Variants in CD99L2 observed in about 807,000 individuals in gnomAD.
CD99L2 encodes the protein CD99 molecule like 2.
In CD99L2, 24 loss-of-function variants were observed where a neutral mutation model predicts 27.3. The ratio of observed to expected loss-of-function variants is 0.88; its 90% CI spans 0.64 to 1.24. The LOEUF (loss-of-function observed/expected upper bound fraction) is 1.24. Ranked by LOEUF, CD99L2 falls within the 50% of genes most tolerant of loss-of-function variation. The pLI, the probability that CD99L2 is intolerant of heterozygous loss-of-function variation, is 0.00. For synonymous variants in CD99L2, 97 were observed against 87.9 expected (o/e 1.10, Z -0.58); for missense variants, 255 against 221.6 (o/e 1.15, Z -0.96).
chrX:150,798,184 G>GAA (rs1557419965), intron 4 of CD99L2, among the ~76,000 whole-genome samples: 1 of 4,806 alleles, frequency 2.1e-4, no homozygotes. Flanking sequence ...AGGAAGGAAG[G>GAA]GAGGGAGGGA....
At chrX:150,772,432 C>A (rs991656982) in intron 9 of CD99L2, among the ~76,000 whole-genome samples, 9 of 112,380 alleles carry the variant, frequency 8.0e-5, no homozygotes, top group Non-Finnish European at 1.7e-4. Flanking sequence ...AGCAGAGGCC[C>A]GGGATGGGGA....
chrX:150,770,032 G>T (rs2043412366), intron 10 of CD99L2, among the ~76,000 whole-genome samples: 1 of 112,990 alleles, frequency 8.9e-6, no homozygotes, highest in Admixed American at 9.3e-5. Context: ...GGTGCCTGGG[G>T]CTCTGGCTCG....
intron 7 of CD99L2, among the ~76,000 whole-genome samples, chrX:150,778,436 GT>G (rs1402106711): frequency 1.0e-5 from 1 of 100,057 alleles, no homozygotes; most frequent in African/African-American, 3.7e-5. Flanking sequence ...AGGTTCATGG[GT>G]TGTAAAAATG....
intron 1 of CD99L2, among the ~76,000 whole-genome samples, chrX:150,878,616 G>A (rs1163617655): frequency 9.1e-6 from 1 of 109,980 alleles, no homozygotes; most frequent in Non-Finnish European, 1.9e-5. Context: ...GTCAATGCAA[G>A]TGCAATCGGA....
chrX:150,886,698 G>A (rs1409813700), intron 1 of CD99L2, among the ~76,000 whole-genome samples: 1 of 112,245 alleles, frequency 8.9e-6, no homozygotes, highest in African/African-American at 3.2e-5. Context: ...GTTATTTTTG[G>A]TTGACAAGAC....
rs188821471 is a variant in CD99L2 at position 150,802,176 on chromosome X, C to A, written c.278-6690G>T. ...AAAAAATTTCTAGAATAAGTGAGTT[C>A]AGCAAGGTCTCAGGATACAAGTTCA... On this transcript the variant is annotated intron_variant, in intron 4 of 10. Coordinates refer to ENST00000370377, the MANE Select transcript of CD99L2 (RefSeq NM_031462.4). Among the ~76,000 whole-genome samples, 336 of 112,195 alleles carry A rather than the reference C, an allele frequency of 3.0e-3. 2 individuals are homozygous for A. Among genetic ancestry groups the A allele is most frequent in the African/African-American group, 0.01 (311 of 30,923 alleles).
Position 150,824,707 on chromosome X carries a change from G to GGAAGAGGAAGAGGAAGAAGAA in CD99L2, c.130+6523_130+6524insTTCTTCTTCCTCTTCCTCTTC, listed in dbSNP as rs782774913. ...AAGAAGAGGAAGAGGAAGAGGAAGA[G>GGAAGAGGAAGAGGAAGAAGAA]GAAGAAGAAGAAGAAGAAGAAGAAA... On this transcript the variant is annotated intron_variant, in intron 2 of 10. Coordinates refer to ENST00000370377, the MANE Select transcript of CD99L2 (RefSeq NM_031462.4). Among the ~76,000 whole-genome samples the GGAAGAGGAAGAGGAAGAAGAA allele has an allele frequency of 3.2e-5, 3 of 93,619 alleles. No homozygotes were observed. The East Asian group carries it at 1.0e-3, about 31-fold the overall frequency. The allele number at this position is 93,619 out of a possible 115,157, so 81.3% of individuals were successfully genotyped here.
At chrX:150,775,010 G>A (rs1328071711) in intron 9 of CD99L2, among the ~76,000 whole-genome samples, 1 of 112,682 alleles carries the variant, frequency 8.9e-6, no homozygotes, top group Non-Finnish European at 1.9e-5. Context: ...ACATGTCAAC[G>A]TGCTCCTGCA....
rs1037827762 is a variant in CD99L2, at chrX:150,795,637, A to C, written c.278-151T>G. On this transcript the variant is annotated intron_variant, in intron 4 of 10. Coordinates refer to ENST00000370377, the MANE Select transcript of CD99L2 (RefSeq NM_031462.4). Reference sequence around the variant, plus strand: ...CTGCAGAATCACTTTGAGACGGATGACAAAGAGATATAAAAGGCTTAAATG... The same window carrying C: ...CTGCAGAATCACTTTGAGACGGATGCCAAAGAGATATAAAAGGCTTAAATG... The C allele has an allele frequency of 1.7e-5, 9 of 531,418 alleles. No homozygotes were observed. In the Middle Eastern group the frequency reaches 1.6e-3, roughly 92 times the overall value. 43.8% of individuals were successfully genotyped at this position (531,418 alleles called of 1,213,427 possible).
At chrX:150,841,482 T>G (rs1377374406) in intron 1 of CD99L2, among the ~76,000 whole-genome samples, 1 of 111,707 alleles carries the variant, frequency 9.0e-6, no homozygotes, top group East Asian at 2.8e-4. Context: ...CGTGTATTTC[T>G]CCTAAAAGTT....
chrX:150,857,383 C>T (rs1180230095), intron 1 of CD99L2, among the ~76,000 whole-genome samples: 3 of 110,180 alleles, frequency 2.7e-5, no homozygotes, highest in Admixed American at 9.7e-5. Flanking sequence ...CATCTAATCA[C>T]CTATAAAGGA....
chrX:150,779,569 G>A (rs1013109410), intron 7 of CD99L2, among the ~76,000 whole-genome samples: 5 of 112,375 alleles, frequency 4.4e-5, no homozygotes, highest in Admixed American at 1.9e-4. Context: ...TTTGAGCCAC[G>A]CTGGGCTACC....
intron 9 of CD99L2, among the ~76,000 whole-genome samples, chrX:150,773,955 G>C (rs112385213): frequency 0.021 from 2,381 of 111,394 alleles, 80 homozygotes; most frequent in African/African-American, 0.074. Flanking sequence ...TGCCACCCCA[G>C]CCACCTAGAA....
At position 150,869,508 on chromosome X, in the gene CD99L2, T is replaced by C. The variant is rs186467887; in HGVS notation, c.67+29014A>G. ...TCTATCTCATATTTGTATGTAATTC[T>C]AATGTTTTCGGTATGTGTGTGATTG... is the stretch of plus-strand genomic sequence containing the variant. On this transcript the variant is annotated intron_variant, in intron 1 of 10. Coordinates refer to ENST00000370377, the MANE Select transcript of CD99L2 (RefSeq NM_031462.4). Among the ~76,000 whole-genome samples the C allele has an allele frequency of 5.8e-3, 653 of 112,450 alleles. 5 individuals are homozygous for C. Among genetic ancestry groups the C allele is most frequent in the African/African-American group, 0.02 (618 of 30,970 alleles).
intron 7 of CD99L2, among the ~76,000 whole-genome samples, chrX:150,790,539 G>A (rs2045670157): frequency 9.0e-6 from 1 of 111,571 alleles, no homozygotes; most frequent in African/African-American, 3.3e-5. Flanking sequence ...GAACTGTAAG[G>A]TAAAGACAAA....
intron 1 of CD99L2, among the ~76,000 whole-genome samples, chrX:150,874,667 C>G (rs1434633589): frequency 8.9e-6 from 1 of 111,831 alleles, no homozygotes; most frequent in Non-Finnish European, 1.9e-5. Context: ...TCTTCTGACT[C>G]CTCTACTGGC....
chrX:150,861,566 T>C (rs111976039), intron 1 of CD99L2, among the ~76,000 whole-genome samples: 19 of 111,197 alleles, frequency 1.7e-4, no homozygotes, highest in African/African-American at 5.9e-4. Flanking sequence ...AAAGGGGATA[T>C]CACCACTGAT....
intron 1 of CD99L2, among the ~76,000 whole-genome samples, chrX:150,850,172 T>C (rs2046767643): frequency 8.9e-6 from 1 of 111,767 alleles, no homozygotes; most frequent in Non-Finnish European, 1.9e-5. Context: ...TTGTTGAACA[T>C]GCCTGATCAG....
At position 150,786,570 on chromosome X, in the gene CD99L2, TGTA is replaced by T. The variant is rs1177088988; in HGVS notation, c.496+7118_496+7120del. The stretch of plus-strand genomic sequence containing the variant: ...GACGTGATCTCATTTTTTAAGGCTG[TGTA>T]GTATTTCCTGGTATATATGTACCAC... On this transcript the variant is annotated intron_variant, in intron 7 of 10. Transcript: ENST00000370377. Among the ~76,000 whole-genome samples, 6 of 111,840 alleles carry T rather than the reference TGTA, an allele frequency of 5.4e-5. No homozygotes were observed. The Admixed American group carries it at 5.7e-4, about 11-fold the overall frequency.
Sources: allele counts gnomAD v4.1 joint callset (sites outside exome capture counted in the v4.1 genomes callset), GRCh38; gene constraint gnomAD v4.1.1; transcripts MANE v1.5; gene names NCBI Gene and HGNC (gene_info 2026-07-23, HGNC 2026-07-21).